ST6GALNAC3: variants seen among roughly 807,000 people sequenced by gnomAD.
The protein encoded by ST6GALNAC3 is ST6 N-acetylgalactosaminide alpha-2,6-sialyltransferase 3.
ST6GALNAC3 carries 25 observed loss-of-function variants against 32.7 expected under a neutral mutation model. The ratio of observed to expected loss-of-function variants is 0.76; its 90% CI spans 0.56 to 1.07. ST6GALNAC3 has a LOEUF of 1.07. ST6GALNAC3 is among the 50% of genes least tolerant of loss of function. ST6GALNAC3 has a pLI of 0.00. For missense variants in ST6GALNAC3, 355 were observed against 382.4 expected, an observed-to-expected ratio of 0.93 and a Z score of 0.60; for synonymous variants, 129 against 133.1, an observed-to-expected ratio of 0.97 and a Z score of 0.21.
chr1:76,079,230 A>C (rs1175475386), intron 1 of ST6GALNAC3, among the ~76,000 whole-genome samples: 1 of 152,262 alleles, frequency 6.6e-6, no homozygotes, highest in Non-Finnish European at 1.5e-5. Flanking sequence ...TTTGATAGAC[A>C]GGAAAACTCT....
At chr1:76,240,075 T>C (rs1656881757) in intron 1 of ST6GALNAC3, among the ~76,000 whole-genome samples, 3 of 152,202 alleles carry the variant, frequency 2.0e-5, no homozygotes. Context: ...GAACTATTAC[T>C]AACTTAGCCT....
chr1:76,494,672 C>CAA (rs1660740112), intron 3 of ST6GALNAC3, among the ~76,000 whole-genome samples: 1 of 147,768 alleles, frequency 6.8e-6, no homozygotes, highest in South Asian at 2.2e-4. Flanking sequence ...CACACACACA[C>CAA]ACACACACTT....
chr1:76,277,516 A>G (rs1415031726), intron 1 of ST6GALNAC3, among the ~76,000 whole-genome samples: 2 of 122,720 alleles, frequency 1.6e-5, no homozygotes, highest in East Asian at 2.6e-4. Context: ...ACATATATGT[A>G]TATGTTTATG....
chr1:76,123,962 G>A (rs1351032082), intron 1 of ST6GALNAC3, among the ~76,000 whole-genome samples: 1 of 151,918 alleles, frequency 6.6e-6, no homozygotes, highest in African/African-American at 2.4e-5. Flanking sequence ...TGCTGGCCAG[G>A]CTGGTCTCCA....
At chr1:76,076,169 T>C (rs183962660) in intron 1 of ST6GALNAC3, among the ~76,000 whole-genome samples, 167 of 152,336 alleles carry the variant, frequency 1.1e-3, no homozygotes, top group African/African-American at 3.9e-3. Flanking sequence ...GCACAAGGAC[T>C]GAAATATGAA....
intron 3 of ST6GALNAC3, among the ~76,000 whole-genome samples, chr1:76,572,606 TTGTC>T (rs1464132826): frequency 6.6e-6 from 1 of 152,124 alleles, no homozygotes; most frequent in African/African-American, 2.4e-5. Flanking sequence ...AAAGAATCTC[TTGTC>T]TGTCTCTTTA....
intron 1 of ST6GALNAC3, among the ~76,000 whole-genome samples, chr1:76,135,803 G>T (rs1232571623): frequency 6.6e-6 from 1 of 152,168 alleles, no homozygotes. Context: ...GCCTGGATAG[G>T]TTTCCACCCA....
chr1:76,142,322 T>C (rs1356866423), intron 1 of ST6GALNAC3, among the ~76,000 whole-genome samples: 1 of 152,196 alleles, frequency 6.6e-6, no homozygotes, highest in African/African-American at 2.4e-5. Flanking sequence ...ACAGAGTAGA[T>C]GTGGCCTGGC....
intron 1 of ST6GALNAC3, among the ~76,000 whole-genome samples, chr1:76,224,436 A>C (rs182250676): frequency 6.6e-6 from 1 of 152,208 alleles, no homozygotes; most frequent in Non-Finnish European, 1.5e-5. Context: ...CTTTACTTAG[A>C]TGGAGTTGAG....
At chr1:76,496,628 C>T (rs1326071117) in intron 3 of ST6GALNAC3, among the ~76,000 whole-genome samples, 1 of 152,116 alleles carries the variant, frequency 6.6e-6, no homozygotes, top group East Asian at 1.9e-4. Context: ...CCACCCACTT[C>T]CACTTTGCCA....
chr1:76,515,499 G>C (rs146324602), intron 3 of ST6GALNAC3, among the ~76,000 whole-genome samples: 3,536 of 151,894 alleles, frequency 0.023, 60 homozygotes, highest in Non-Finnish European at 0.038. Context: ...TGAGGTGTTT[G>C]GTTAAGTTAT....
intron 1 of ST6GALNAC3, among the ~76,000 whole-genome samples, chr1:76,194,815 GT>G (rs1445182817): frequency 2.0e-5 from 3 of 152,194 alleles, no homozygotes; most frequent in Non-Finnish European, 4.4e-5. Context: ...TTTTCTAAAG[GT>G]TAGTTGCGAT....
chr1:76,501,456 C>G (rs746365864), intron 3 of ST6GALNAC3, among the ~76,000 whole-genome samples: 1 of 152,264 alleles, frequency 6.6e-6, no homozygotes, highest in South Asian at 2.1e-4. Flanking sequence ...TTCCTTCTTT[C>G]TTTTTTCGTC....
At chr1:76,206,678 A>G (rs1202327626) in intron 1 of ST6GALNAC3, among the ~76,000 whole-genome samples, 1 of 152,002 alleles carries the variant, frequency 6.6e-6, no homozygotes, top group Non-Finnish European at 1.5e-5. Flanking sequence ...GTTTGCAGTG[A>G]GCTGAGATCG....
chr1:76,619,084 G>A (rs905166557), intron 3 of ST6GALNAC3, among the ~76,000 whole-genome samples: 7 of 152,016 alleles, frequency 4.6e-5, no homozygotes, highest in Admixed American at 1.3e-4. Context: ...TCTAGGGAAG[G>A]CAACAAAGTT....
chr1:76,590,126 A>C (rs1647024921), intron 3 of ST6GALNAC3, among the ~76,000 whole-genome samples: 1 of 152,172 alleles, frequency 6.6e-6, no homozygotes, highest in African/African-American at 2.4e-5. Flanking sequence ...TCTATACTTA[A>C]GATGTACCTG....
intron 3 of ST6GALNAC3, among the ~76,000 whole-genome samples, chr1:76,577,546 T>G (rs943426196): frequency 2.0e-5 from 3 of 151,966 alleles, no homozygotes; most frequent in Non-Finnish European, 2.9e-5. Flanking sequence ...GGGCATGTAT[T>G]CCTCCTCCAG....
intron 3 of ST6GALNAC3, among the ~76,000 whole-genome samples, chr1:76,518,327 A>C (rs962666547): frequency 3.3e-5 from 5 of 152,032 alleles, no homozygotes; most frequent in Non-Finnish European, 5.9e-5. Context: ...GATTCTAGTA[A>C]AGAGAATGTA....
At chr1:76,176,894 A>G (rs967268751) in intron 1 of ST6GALNAC3, among the ~76,000 whole-genome samples, 1 of 152,132 alleles carries the variant, frequency 6.6e-6, no homozygotes, top group African/African-American at 2.4e-5. Context: ...GAATATATTT[A>G]ATACCATTTA....
Sources: gnomAD v4.1 joint callset for allele counts (sites outside exome capture counted in the v4.1 genomes callset) on GRCh38, gnomAD v4.1.1 for gene constraint, MANE v1.5 for transcripts, NCBI Gene and HGNC (gene_info 2026-07-23, HGNC 2026-07-21) for gene names.